The following ATP8A2 variants were observed in gnomAD, a reference collection of about 807,000 sequenced individuals.
ATP8A2 encodes the protein phospholipid-transporting ATPase IB.
A neutral mutation model predicts 165.6 loss-of-function variants in ATP8A2; 100 were observed. The ratio of observed to expected loss-of-function variants is 0.60; its 90% confidence interval spans 0.51 to 0.71. ATP8A2 has a LOEUF of 0.71. Among genes scored for constraint, ATP8A2 ranks in the 30% least tolerant of loss-of-function variants. The pLI, the probability that ATP8A2 is intolerant of heterozygous loss-of-function variation, is 0.00. For synonymous variants in ATP8A2, 543 were observed against 548.8 expected, an observed-to-expected ratio of 0.99 and a Z score of 0.15; for missense variants, 1,227 against 1,479.5, an observed-to-expected ratio of 0.83 and a Z score of 2.80.
At chr13:25,633,854 T>TA (rs2041305450) in intron 24 of ATP8A2, among the ~76,000 whole-genome samples, 1 of 151,848 alleles carries the variant, frequency 6.6e-6, no homozygotes, top group African/African-American at 2.4e-5. Context: ...AATGTGCCTG[T>TA]AGTTTCAGAT....
chr13:25,951,236 A>G (rs966741939), intron 33 of ATP8A2, among the ~76,000 whole-genome samples: 19 of 152,356 alleles, frequency 1.2e-4, no homozygotes, highest in African/African-American at 4.6e-4. Flanking sequence ...GAAATAACCC[A>G]AACATCCATC....
intron 24 of ATP8A2, among the ~76,000 whole-genome samples, chr13:25,658,073 T>C (rs531371110): frequency 6.6e-6 from 1 of 152,302 alleles, no homozygotes; most frequent in East Asian, 1.9e-4. Context: ...TTTGAGTAGA[T>C]TGGGCAACTT....
intron 24 of ATP8A2, among the ~76,000 whole-genome samples, chr13:25,678,281 C>T (rs535076829): frequency 3.9e-4 from 59 of 152,098 alleles, no homozygotes; most frequent in African/African-American, 1.3e-3. Context: ...GTGTCTCAGG[C>T]GGTAATTTCA....
At chr13:26,009,726 G>A (rs1956805721) in intron 35 of ATP8A2, among the ~76,000 whole-genome samples, 1 of 152,156 alleles carries the variant, frequency 6.6e-6, no homozygotes, top group South Asian at 2.1e-4. Context: ...AAGGGCTGCG[G>A]CACAGAGTGG....
chr13:25,622,548 G>A (rs999914772), intron 24 of ATP8A2, among the ~76,000 whole-genome samples: 5 of 152,180 alleles, frequency 3.3e-5, no homozygotes, highest in Non-Finnish European at 5.9e-5. Context: ...TATACAGGGT[G>A]AGCATCCCCA....
At chr13:25,655,251 C>T (rs1413933588) in intron 24 of ATP8A2, among the ~76,000 whole-genome samples, 1 of 152,210 alleles carries the variant, frequency 6.6e-6, no homozygotes, top group Admixed American at 6.5e-5. Flanking sequence ...CCTCCGCCTC[C>T]TGGGTTCAAG....
chr13:25,698,224 G>GT lies in ATP8A2; in HGVS notation c.2212-933dup, dbSNP rs57633900. On this transcript the variant is annotated intron_variant, in intron 24 of 36. Coordinates refer to ENST00000381655, the MANE Select transcript of ATP8A2 (RefSeq NM_016529.6). Reference sequence around the variant, plus strand: ...ATTCACTGTGAAAACAAGAACGTCTGTTTTTTTTTTTTTTTTAAAGAAACA... The same window carrying GT: ...ATTCACTGTGAAAACAAGAACGTCTGTTTTTTTTTTTTTTTTTAAAGAAACA... 6.5e-3 allele frequency among the ~76,000 whole-genome samples: 915 copies of GT among 141,472 alleles called. 4 individuals carry two copies. Among genetic ancestry groups the GT allele is most frequent in the African/African-American group, 0.014 (535 of 38,464 alleles). 92.8% of individuals were successfully genotyped at this position (141,472 alleles called of 152,430 possible). A position where few individuals can be genotyped will look rare whatever the true frequency, so the allele number is the denominator to read the frequency against.
intron 33 of ATP8A2, among the ~76,000 whole-genome samples, chr13:25,929,590 GGCTC>G (rs1954707173): frequency 6.6e-6 from 1 of 152,184 alleles, no homozygotes; most frequent in Middle Eastern, 3.2e-3. Flanking sequence ...CGGGCTCAGT[GGCTC>G]ATGCCAGTAA....
chr13:25,716,405 C>A (rs2043256348), intron 25 of ATP8A2, among the ~76,000 whole-genome samples: 1 of 152,144 alleles, frequency 6.6e-6, no homozygotes, highest in South Asian at 2.1e-4. Context: ...AATCTGAGAT[C>A]ATGAAGATTT....
At chr13:25,784,451 G>A (rs1229610187) in intron 27 of ATP8A2, among the ~76,000 whole-genome samples, 2 of 152,298 alleles carry the variant, frequency 1.3e-5, no homozygotes, top group East Asian at 3.9e-4. Context: ...TGCATTCAGA[G>A]ACAGCACCCA....
intron 24 of ATP8A2, among the ~76,000 whole-genome samples, chr13:25,626,182 G>T (rs571120031): frequency 2.6e-5 from 4 of 152,316 alleles, no homozygotes; most frequent in African/African-American, 7.2e-5. Flanking sequence ...GGATCTAGAA[G>T]ATTCCTTCCT....
At chr13:25,891,382 G>T in intron 33 of ATP8A2, among the ~76,000 whole-genome samples, 1 of 152,150 alleles carries the variant, frequency 6.6e-6, no homozygotes, top group East Asian at 1.9e-4. Context: ...GAGTGCAATG[G>T]TGCGATCTCG....
intron 33 of ATP8A2, among the ~76,000 whole-genome samples, chr13:25,862,699 T>C (rs1160569073): frequency 6.6e-6 from 1 of 152,236 alleles, no homozygotes. Context: ...ATGTGTTAAT[T>C]ACACACAGTA....
chr13:25,645,751 A>T (rs527832234), intron 24 of ATP8A2, among the ~76,000 whole-genome samples: 1 of 152,154 alleles, frequency 6.6e-6, no homozygotes, highest in South Asian at 2.1e-4. Context: ...ACTGAATTCT[A>T]GTTTCATACC....
intron 35 of ATP8A2, among the ~76,000 whole-genome samples, chr13:25,976,295 A>C (rs1394156112): frequency 1.3e-5 from 2 of 152,050 alleles, no homozygotes; most frequent in Admixed American, 6.5e-5. Context: ...TTATCATAAC[A>C]CTGATCCCCA....
At chr13:25,973,865 A>G (rs1001478452) in intron 35 of ATP8A2, among the ~76,000 whole-genome samples, 3 of 152,202 alleles carry the variant, frequency 2.0e-5, no homozygotes, top group Non-Finnish European at 4.4e-5. Flanking sequence ...TTGGCAGTGC[A>G]CATGTGGTGC....
Position 26,022,650 on chromosome 13 carries a change from A to G in ATP8A2, c.*2665A>G, listed in dbSNP as rs928832876. 5.3e-5 allele frequency: 8 copies of G among 152,206 alleles called. No homozygotes were observed. The highest frequency in any genetic ancestry group is 7.3e-5 in the Non-Finnish European group (5 of 68,052). 9.4% of individuals were successfully genotyped at this position (152,206 alleles called of 1,614,324 possible). A position where few individuals can be genotyped will look rare whatever the true frequency, so the allele number is the denominator to read the frequency against. On this transcript the variant is annotated 3_prime_UTR_variant, in exon 37 of 37. Coordinates refer to ENST00000381655, the MANE Select transcript of ATP8A2 (RefSeq NM_016529.6). ...CAGCTGTCACTACGTGTGATGTATA[A>G]TATTTAGCCAGGGCCAACTCAGGGG...
intron 24 of ATP8A2, among the ~76,000 whole-genome samples, chr13:25,618,749 C>T (rs1030269481): frequency 4.1e-5 from 6 of 145,622 alleles, no homozygotes; most frequent in African/African-American, 1.3e-4. Flanking sequence ...CTACTGGGAG[C>T]AAGATGATGC....
intron 24 of ATP8A2, among the ~76,000 whole-genome samples, chr13:25,590,777 T>C (rs1050474733): frequency 1.3e-5 from 2 of 152,170 alleles, no homozygotes; most frequent in African/African-American, 4.8e-5. Flanking sequence ...GAGCTTTCTA[T>C]ACTTGCAAAT....
Sources: allele counts gnomAD v4.1 joint callset (sites outside exome capture counted in the v4.1 genomes callset), GRCh38; gene constraint gnomAD v4.1.1; transcripts MANE v1.5; gene names NCBI Gene and HGNC (gene_info 2026-07-23, HGNC 2026-07-21).